Variants in CNTNAP5 observed in about 807,000 individuals in gnomAD.
CNTNAP5 encodes the protein contactin-associated protein-like 5.
A neutral mutation model predicts 150.2 loss-of-function variants in CNTNAP5; 72 were observed. The ratio of observed to expected loss-of-function variants is 0.48; its 90% CI spans 0.40 to 0.58. The LOEUF (loss-of-function observed/expected upper bound fraction) is 0.58, where lower values mean the gene tolerates loss of function less well. Among genes scored for constraint, CNTNAP5 ranks in the 20% least tolerant of loss-of-function variants. The pLI is 0.00. For synonymous variants in CNTNAP5, 672 were observed against 619.8 expected (o/e 1.08, Z -1.25); for missense variants, 1,636 against 1,626.2 (o/e 1.01, Z -0.10).
At chr2:124,041,665 G>T (rs1681375973) in intron 1 of CNTNAP5, among the ~76,000 whole-genome samples, 1 of 152,074 alleles carries the variant, frequency 6.6e-6, no homozygotes. Context: ...CACAGCTTGG[G>T]GGTTTCTATT....
chr2:124,472,082 T>C (rs1021501629), intron 6 of CNTNAP5, among the ~76,000 whole-genome samples: 2 of 152,010 alleles, frequency 1.3e-5, no homozygotes, highest in Non-Finnish European at 2.9e-5. Flanking sequence ...TCTAAATGCT[T>C]GACAAAAGAA....
At chr2:124,123,499 G>A (rs564800090) in intron 1 of CNTNAP5, among the ~76,000 whole-genome samples, 2 of 152,250 alleles carry the variant, frequency 1.3e-5, no homozygotes, top group South Asian at 4.1e-4. Flanking sequence ...TGAACAAAAG[G>A]CAGCAGAAAC....
intron 19 of CNTNAP5, among the ~76,000 whole-genome samples, chr2:124,830,291 A>G (rs1682685998): frequency 6.6e-6 from 1 of 152,084 alleles, no homozygotes; most frequent in African/African-American, 2.4e-5. Flanking sequence ...GAGTCATAAC[A>G]TGGATGTAAA....
chr2:124,626,842 G>A lies in CNTNAP5; in HGVS notation c.1876+16922G>A, dbSNP rs554610423. Among the ~76,000 whole-genome samples, 6 of 152,072 alleles carry A rather than the reference G, an allele frequency of 3.9e-5. No homozygotes were observed. The South Asian group carries it at 1.2e-3, about 32-fold the overall frequency. On this transcript the variant is annotated intron_variant, in intron 12 of 23. Transcript: ENST00000682447. ...CCCGCTGCCAGCACAGCAGTCTGGA[G>A]TTGGCCTGGGACCACTGAGTTCCCG...
intron 10 of CNTNAP5, among the ~76,000 whole-genome samples, chr2:124,535,468 C>G (rs1695208580): frequency 6.6e-6 from 1 of 152,056 alleles, no homozygotes; most frequent in South Asian, 2.1e-4. Context: ...CTCCCACACA[C>G]ATTCATTTAA....
intron 7 of CNTNAP5, among the ~76,000 whole-genome samples, chr2:124,497,350 GT>G (rs1161967084): frequency 6.6e-6 from 1 of 152,174 alleles, no homozygotes; most frequent in Non-Finnish European, 1.5e-5. Flanking sequence ...CCATTTAACA[GT>G]GATGGTTCAC....
intron 13 of CNTNAP5, among the ~76,000 whole-genome samples, chr2:124,678,663 C>T (rs1325162946): frequency 6.6e-6 from 1 of 151,790 alleles, no homozygotes; most frequent in Non-Finnish European, 1.5e-5. Context: ...ATGGAACCCC[C>T]TGTTATGAAA....
intron 1 of CNTNAP5, among the ~76,000 whole-genome samples, chr2:124,209,781 A>C (rs757176341): frequency 6.6e-6 from 1 of 152,142 alleles, no homozygotes; most frequent in African/African-American, 2.4e-5. Flanking sequence ...TGGTCCTCCT[A>C]GTGGAGGTGG....
intron 8 of CNTNAP5, among the ~76,000 whole-genome samples, chr2:124,509,657 G>C (rs1042642932): frequency 6.6e-6 from 1 of 152,162 alleles, no homozygotes; most frequent in Non-Finnish European, 1.5e-5. Context: ...TCAAGTTCAT[G>C]GTCTTTACAC....
At chr2:124,718,477 A>G (rs1234330264) in intron 13 of CNTNAP5, among the ~76,000 whole-genome samples, 1 of 152,178 alleles carries the variant, frequency 6.6e-6, no homozygotes, top group East Asian at 1.9e-4. Flanking sequence ...GTGTCAGGTT[A>G]TAAACCATGG....
chr2:124,357,003 C>G (rs200956236), intron 3 of CNTNAP5, among the ~76,000 whole-genome samples: 229 of 152,104 alleles, frequency 1.5e-3, no homozygotes, highest in African/African-American at 5.3e-3. Flanking sequence ...GCCATTCTAA[C>G]TGGTGTGAGA....
intron 10 of CNTNAP5, among the ~76,000 whole-genome samples, chr2:124,528,459 C>A (rs1695027299): frequency 6.6e-6 from 1 of 152,092 alleles, no homozygotes; most frequent in Non-Finnish European, 1.5e-5. Context: ...GGCATAGAAG[C>A]AGGAGAAAGC....
intron 1 of CNTNAP5, among the ~76,000 whole-genome samples, chr2:124,093,080 G>T (rs1008814894): frequency 6.6e-6 from 1 of 152,134 alleles, no homozygotes; most frequent in Admixed American, 6.5e-5. Flanking sequence ...TTCTCCAGGG[G>T]CTCTGTGTGA....
At chr2:124,657,492 A>G (rs999325931) in intron 13 of CNTNAP5, among the ~76,000 whole-genome samples, 2 of 152,020 alleles carry the variant, frequency 1.3e-5, no homozygotes, top group South Asian at 2.1e-4. Context: ...TCTCCTCACC[A>G]TACTAGACAA....
intron 13 of CNTNAP5, among the ~76,000 whole-genome samples, chr2:124,692,648 C>T (rs1573551305): frequency 2.6e-5 from 4 of 152,192 alleles, no homozygotes; most frequent in Admixed American, 2.0e-4. Context: ...AAACAGAAAT[C>T]GATCTCTTTT....
intron 3 of CNTNAP5, among the ~76,000 whole-genome samples, chr2:124,382,389 G>A (rs1017749510): frequency 3.9e-5 from 6 of 152,130 alleles, no homozygotes; most frequent in Non-Finnish European, 8.8e-5. Context: ...GAGATGTGAA[G>A]AGAGAAGATT....
chr2:124,483,410 G>A (rs1056339293), intron 7 of CNTNAP5, among the ~76,000 whole-genome samples: 4 of 152,160 alleles, frequency 2.6e-5, no homozygotes, highest in Admixed American at 6.5e-5. Context: ...AGCGCAGGCC[G>A]GTATGAACCT....
chr2:124,692,123 G>T (rs1187396103), intron 13 of CNTNAP5, among the ~76,000 whole-genome samples: 1 of 152,136 alleles, frequency 6.6e-6, no homozygotes, highest in Non-Finnish European at 1.5e-5. Context: ...CCTAGTTGAG[G>T]TGCCAGACAC....
At chr2:124,464,637 A>G (rs933811133) in intron 6 of CNTNAP5, among the ~76,000 whole-genome samples, 1 of 152,204 alleles carries the variant, frequency 6.6e-6, no homozygotes, top group Admixed American at 6.5e-5. Context: ...TTGGAAAGCC[A>G]TCGTCCAATT....
Sources: gnomAD v4.1 joint callset for allele counts (sites outside exome capture counted in the v4.1 genomes callset) on GRCh38, gnomAD v4.1.1 for gene constraint, MANE v1.5 for transcripts, NCBI Gene and HGNC (gene_info 2026-07-23, HGNC 2026-07-21) for gene names.